The following ATXN8OS variants were observed in gnomAD, a reference collection of about 807,000 sequenced individuals.
ATXN8OS encodes the protein ATXN8 opposite strand (non-protein coding).
intron 3 of ATXN8OS, among the ~76,000 whole-genome samples, chr13:70,147,272 T>G (rs1339344907): frequency 6.6e-6 from 1 of 152,198 alleles, no homozygotes; most frequent in Non-Finnish European, 1.5e-5. Flanking sequence ...TGATGTGAAT[T>G]TATAAAACCT....
intron 4 of ATXN8OS, among the ~76,000 whole-genome samples, chr13:70,150,735 C>G (rs980091033): frequency 1.3e-5 from 2 of 152,096 alleles, no homozygotes; most frequent in African/African-American, 4.8e-5. Context: ...TGAGCTCACA[C>G]ATTGATGGAG....
intron 3 of ATXN8OS, among the ~76,000 whole-genome samples, chr13:70,132,164 G>A (rs1440675930): frequency 6.6e-6 from 1 of 151,904 alleles, no homozygotes; most frequent in Non-Finnish European, 1.5e-5. Context: ...TTTACTCTTT[G>A]AAAATATATT....
chr13:70,124,975 A>G (rs1451856343), intron 2 of ATXN8OS, among the ~76,000 whole-genome samples: 1 of 149,892 alleles, frequency 6.7e-6, no homozygotes, highest in Non-Finnish European at 1.5e-5. Flanking sequence ...ATTTAACTCA[A>G]TGGGCTGTGC....
chr13:70,122,273 C>T (rs1283361357), intron 2 of ATXN8OS, among the ~76,000 whole-genome samples: 3 of 151,864 alleles, frequency 2.0e-5, no homozygotes, highest in African/African-American at 7.2e-5. Flanking sequence ...AAGATTAACT[C>T]AATTCTATTG....
At chr13:70,165,294 T>C (rs1889064957) in intron 4 of ATXN8OS, among the ~76,000 whole-genome samples, 1 of 151,744 alleles carries the variant, frequency 6.6e-6, no homozygotes, top group Non-Finnish European at 1.5e-5. Flanking sequence ...GTTATAGATA[T>C]GTTAGACTAG....
At chr13:70,145,203 G>A (rs1368107055) in intron 3 of ATXN8OS, among the ~76,000 whole-genome samples, 1 of 152,042 alleles carries the variant, frequency 6.6e-6, no homozygotes, top group African/African-American at 2.4e-5. Context: ...CTGTTCCATT[G>A]ATCTATATTT....
At chr13:70,150,205 T>C (rs186616823) in intron 4 of ATXN8OS, among the ~76,000 whole-genome samples, 2 of 152,056 alleles carry the variant, frequency 1.3e-5, no homozygotes, top group African/African-American at 4.8e-5. Context: ...CTCCTATTCA[T>C]GAGTGAGGAA....
chr13:70,134,224 G>A (rs776424091), intron 3 of ATXN8OS, among the ~76,000 whole-genome samples: 11 of 152,146 alleles, frequency 7.2e-5, no homozygotes, highest in Non-Finnish European at 1.6e-4. Context: ...ACAAAACATA[G>A]AAGACATACT....
intron 4 of ATXN8OS, among the ~76,000 whole-genome samples, chr13:70,164,153 C>T (rs1889046705): frequency 6.7e-6 from 1 of 149,876 alleles, no homozygotes; most frequent in Non-Finnish European, 1.5e-5. Flanking sequence ...AAGCACTATT[C>T]TGTCACTTAT....
intron 3 of ATXN8OS, among the ~76,000 whole-genome samples, chr13:70,147,221 T>TA (rs1888798305): frequency 2.6e-5 from 4 of 152,216 alleles, no homozygotes; most frequent in Non-Finnish European, 5.9e-5. Flanking sequence ...TATTGTTCAC[T>TA]GTTTTAAAAA....
At chr13:70,130,799 C>A in intron 3 of ATXN8OS, 2 of 398,454 alleles carry the variant, frequency 5.0e-6, no homozygotes, top group Non-Finnish European at 8.8e-6. Context: ...GGAGTACCTG[C>A]AGAACTGGGA....
intron 3 of ATXN8OS, among the ~76,000 whole-genome samples, chr13:70,135,899 C>T (rs1306561246): frequency 6.6e-6 from 1 of 152,152 alleles, no homozygotes; most frequent in African/African-American, 2.4e-5. Context: ...GCATTTCAGG[C>T]TGTTATAAGA....
At chr13:70,156,904 T>A (rs1474006616) in intron 4 of ATXN8OS, among the ~76,000 whole-genome samples, 1 of 152,150 alleles carries the variant, frequency 6.6e-6, no homozygotes, top group Non-Finnish European at 1.5e-5. Context: ...AGACAGGAAA[T>A]CAGCTGGCCA....
At chr13:70,138,710 C>T (rs1010922092) in intron 3 of ATXN8OS, among the ~76,000 whole-genome samples, 2 of 151,974 alleles carry the variant, frequency 1.3e-5, no homozygotes, top group African/African-American at 4.8e-5. Flanking sequence ...TAACTAAATA[C>T]CAATCTATAC....
At chr13:70,127,318 T>C (rs924362229) in intron 2 of ATXN8OS, among the ~76,000 whole-genome samples, 1 of 152,032 alleles carries the variant, frequency 6.6e-6, no homozygotes. Context: ...AGCTGTTCTT[T>C]AATAATGAGG....
At chr13:70,171,085 C>G (rs1348421209) in exon 5 of ATXN8OS, among the ~76,000 whole-genome samples, 1 of 152,110 alleles carries the variant, frequency 6.6e-6, no homozygotes, top group African/African-American at 2.4e-5. Flanking sequence ...AAGAACTAGT[C>G]AGCCTCTGGA....
At chr13:70,127,214 A>G (rs927921872) in intron 2 of ATXN8OS, among the ~76,000 whole-genome samples, 1 of 151,998 alleles carries the variant, frequency 6.6e-6, no homozygotes, top group Non-Finnish European at 1.5e-5. Context: ...ATATGCATCA[A>G]TCCTTAAAAT....
At chr13:70,145,831 C>A (rs566682176) in intron 3 of ATXN8OS, among the ~76,000 whole-genome samples, 1 of 151,704 alleles carries the variant, frequency 6.6e-6, no homozygotes, top group African/African-American at 2.4e-5. Flanking sequence ...GTTGGCAATA[C>A]CATTCAGGAC....
intron 2 of ATXN8OS, among the ~76,000 whole-genome samples, chr13:70,123,637 T>A (rs941801483): frequency 1.1e-4 from 17 of 152,222 alleles, no homozygotes; most frequent in African/African-American, 4.1e-4. Flanking sequence ...TGAGAACTAT[T>A]TGGGTAAGGG....
Sources: gnomAD v4.1 joint callset for allele counts (sites outside exome capture counted in the v4.1 genomes callset) on GRCh38, gnomAD v4.1.1 for gene constraint, MANE v1.5 for transcripts, NCBI Gene and HGNC (gene_info 2026-07-23, HGNC 2026-07-21) for gene names.